NRG1: variants seen among roughly 807,000 people sequenced by gnomAD.
The protein encoded by NRG1 is neuregulin 1, also known as pro-neuregulin-1, membrane-bound isoform.
In NRG1, 18 loss-of-function variants were observed where a neutral mutation model predicts 63.8. The observed-to-expected ratio is 0.28, with a 90% CI of 0.19 to 0.42. The LOEUF (loss-of-function observed/expected upper bound fraction) is 0.42. Among genes scored for constraint, NRG1 ranks in the 10% least tolerant of loss-of-function variants. The pLI is 1.00. For synonymous variants in NRG1, 302 were observed against 301.3 expected (o/e 1.00, Z -0.02); for missense variants, 762 against 814.7 (o/e 0.94, Z 0.79).
Position 31,710,141 on chromosome 8 carries a change from G to A in NRG1, c.37+70710G>A, listed in dbSNP as rs1274844868. Among the ~76,000 whole-genome samples the A allele has an allele frequency of 5.3e-5, 8 of 151,688 alleles. No individual in the cohort carries two copies. In the South Asian group the frequency reaches 1.5e-3, roughly 28 times the overall value. On this transcript the variant is annotated intron_variant, in intron 1 of 10. Coordinates refer to the NRG1 transcript ENST00000519301. ...ATTATATATTCAGATATATCAGATT[G>A]CATAACTCTTTGAAGAGGGAATTGT... is the stretch of plus-strand genomic sequence containing the variant.
intron 1 of NRG1, among the ~76,000 whole-genome samples, chr8:32,496,447 G>A (rs761438505): frequency 5.3e-5 from 8 of 152,084 alleles, no homozygotes; most frequent in Non-Finnish European, 1.2e-4. Flanking sequence ...AAAATTAACT[G>A]GGCATGGCGG....
intron 1 of NRG1, among the ~76,000 whole-genome samples, chr8:31,773,654 T>A (rs953644643): frequency 6.6e-6 from 1 of 152,328 alleles, no homozygotes. Flanking sequence ...CAGTTTTCTC[T>A]TAGAAGTGCA....
At chr8:31,746,672 A>G (rs1815904235) in intron 1 of NRG1, among the ~76,000 whole-genome samples, 1 of 152,022 alleles carries the variant, frequency 6.6e-6, no homozygotes. Flanking sequence ...ACCCAAAAGA[A>G]AATAAATCAG....
intron 1 of NRG1, chr8:32,029,475 A>C (rs1172038347): frequency 2.0e-5 from 3 of 152,242 alleles, no homozygotes; most frequent in African/African-American, 7.2e-5. Flanking sequence ...AATGAGGTGC[A>C]GAAATTGGAG....
intron 1 of NRG1, among the ~76,000 whole-genome samples, chr8:32,029,866 T>A (rs1355105773): frequency 6.6e-6 from 1 of 152,132 alleles, no homozygotes; most frequent in Admixed American, 6.5e-5. Context: ...AAGCCACAAA[T>A]TTTAAAATTC....
At chr8:32,201,841 A>G (rs1055354363) in intron 1 of NRG1, among the ~76,000 whole-genome samples, 3 of 152,226 alleles carry the variant, frequency 2.0e-5, no homozygotes, top group African/African-American at 2.4e-5. Flanking sequence ...CAACACAACC[A>G]TATGGCATCA....
rs913644492 is a variant in NRG1, at chr8:32,236,277, T to TG, written c.38-359544dup. On this transcript the variant is annotated intron_variant, in intron 1 of 10. Transcript: ENST00000519301. ...GACAATTTAGCCCTGGAATCAAACCTGGGGGGGAAAATCAAATTATGATAT... is the reference window on the plus strand; with the variant it reads ...GACAATTTAGCCCTGGAATCAAACCTGGGGGGGGAAAATCAAATTATGATAT... Among the ~76,000 whole-genome samples the TG allele has an allele frequency of 4.0e-4, 61 of 152,038 alleles. 1 individual carries two copies. Among genetic ancestry groups the TG allele is most frequent in the African/African-American group, 5.8e-4 (24 of 41,490 alleles).
intron 1 of NRG1, among the ~76,000 whole-genome samples, chr8:32,036,552 T>C (rs145976037): frequency 6.6e-6 from 1 of 152,304 alleles, no homozygotes; most frequent in Non-Finnish European, 1.5e-5. Context: ...TCTTCCTGTT[T>C]CTTTCAGGTA....
chr8:32,367,543 T>C (rs944525892), intron 1 of NRG1, among the ~76,000 whole-genome samples: 1 of 152,168 alleles, frequency 6.6e-6, no homozygotes, highest in African/African-American at 2.4e-5. Context: ...TTTGCTGTTA[T>C]GTTGTTCCTG....
chr8:31,713,072 T>G, intron 1 of NRG1, among the ~76,000 whole-genome samples: 1 of 151,664 alleles, frequency 6.6e-6, no homozygotes, highest in Non-Finnish European at 1.5e-5. Flanking sequence ...TTAGGAGGCT[T>G]CAGCAGCCAG....
intron 1 of NRG1, among the ~76,000 whole-genome samples, chr8:31,942,396 T>A (rs1021892195): frequency 2.0e-5 from 3 of 152,120 alleles, no homozygotes; most frequent in African/African-American, 7.2e-5. Flanking sequence ...TCAAGATGGA[T>A]CATATACTTA....
intron 1 of NRG1, among the ~76,000 whole-genome samples, chr8:31,777,340 C>T (rs1011969793): frequency 2.6e-5 from 4 of 152,224 alleles, no homozygotes; most frequent in Admixed American, 6.5e-5. Context: ...GTTCACTCCA[C>T]TTCCTGTTAG....
intron 1 of NRG1, among the ~76,000 whole-genome samples, chr8:32,294,230 C>T (rs1333098228): frequency 1.3e-5 from 2 of 151,958 alleles, no homozygotes; most frequent in Non-Finnish European, 2.9e-5. Flanking sequence ...AGCAGGTGTC[C>T]GAAACAATGG....
exon 12 of NRG1, chr8:32,764,214 G>T: frequency 6.2e-7 from 1 of 1,614,126 alleles, no homozygotes. Context: ...TGAAACAGAA[G>T]ATGAAAGAGT....
intron 1 of NRG1, among the ~76,000 whole-genome samples, chr8:32,014,939 G>A (rs1002003664): frequency 6.6e-6 from 1 of 152,088 alleles, no homozygotes; most frequent in Non-Finnish European, 1.5e-5. Flanking sequence ...TACAAGCCAA[G>A]GAACACCAAA....
intron 1 of NRG1, among the ~76,000 whole-genome samples, chr8:31,876,734 C>A (rs2129612217): frequency 6.6e-6 from 1 of 152,300 alleles, no homozygotes; most frequent in Non-Finnish European, 1.5e-5. Flanking sequence ...CAATAATTCA[C>A]TTCTCTCTGC....
chr8:32,596,049 A>C lies in NRG1; in HGVS notation c.278+44A>C. On this transcript the variant is annotated intron_variant, in intron 2 of 11. Transcript: ENST00000356819. ...ATAGTAGAGACTGCCCCCAGCAATAAGATAACATATAAATGTTATTTAGAC... is the reference window on the plus strand; with the variant it reads ...ATAGTAGAGACTGCCCCCAGCAATACGATAACATATAAATGTTATTTAGAC... The C allele has an allele frequency of 3.4e-6, 5 of 1,471,332 alleles. No homozygotes were observed. In the South Asian group the frequency reaches 3.8e-5, roughly 11 times the overall value. The allele number at this position is 1,471,332 out of a possible 1,614,324, so 91.1% of individuals were successfully genotyped here.
intron 5 of NRG1, among the ~76,000 whole-genome samples, chr8:32,716,148 T>G (rs1193422640): frequency 1.3e-5 from 2 of 152,220 alleles, no homozygotes; most frequent in Non-Finnish European, 2.9e-5. Flanking sequence ...CTGTGGTTAT[T>G]TAATTAGAAC....
chr8:32,230,500 A>G (rs1163039474), intron 1 of NRG1, among the ~76,000 whole-genome samples: 1 of 152,172 alleles, frequency 6.6e-6, no homozygotes, highest in Non-Finnish European at 1.5e-5. Context: ...ATTGGAGAGT[A>G]GGAAACTCAG....
Sources: allele counts gnomAD v4.1 joint callset (sites outside exome capture counted in the v4.1 genomes callset), GRCh38; gene constraint gnomAD v4.1.1; transcripts MANE v1.5; gene names NCBI Gene and HGNC (gene_info 2026-07-23, HGNC 2026-07-21).